The following CALR3 variants were observed in gnomAD, a reference collection of about 807,000 sequenced individuals.
CALR3 encodes calreticulin-3.
Under a neutral mutation model 48.7 loss-of-function variants are expected in CALR3, and 39 were observed. That is an observed-to-expected ratio of 0.80 (90% CI 0.62 to 1.05). CALR3 has a LOEUF of 1.05. Ranked by LOEUF, CALR3 falls within the 50% of genes least tolerant of loss-of-function variation. CALR3 has a pLI of 0.00. For missense variants in CALR3, 449 were observed against 474.7 expected, an observed-to-expected ratio of 0.95 and a Z score of 0.50; for synonymous variants, 185 against 172.7, an observed-to-expected ratio of 1.07 and a Z score of -0.56.
At chr19:16,486,069 A>G (rs1568486320) in intron 3 of CALR3, among the ~76,000 whole-genome samples, 1 of 152,112 alleles carries the variant, frequency 6.6e-6, no homozygotes, top group Non-Finnish European at 1.5e-5. Context: ...TGCTAATCCC[A>G]GCACTTTAGG....
chr19:16,486,301 G>A (rs529586209), intron 3 of CALR3, among the ~76,000 whole-genome samples: 9 of 150,034 alleles, frequency 6.0e-5, no homozygotes, highest in African/African-American at 2.2e-4. Context: ...GGGTGACCAA[G>A]CGAGACTCCG....
At position 16,482,660 on chromosome 19, in the gene CALR3, T is replaced by A. The variant is rs780747845; in HGVS notation, c.786+18A>T. ...CAGCCCTGGGGCATCCCTGGCATCA[T>A]ACAAAGAGGCCACACACCTGGTACG... is the stretch of plus-strand genomic sequence containing the variant. On this transcript the variant is annotated intron_variant, in intron 6 of 8. Coordinates refer to ENST00000269881, the MANE Select transcript of CALR3 (RefSeq NM_145046.5). 2.4e-5 allele frequency: 39 copies of A among 1,613,998 alleles called. No homozygotes were observed. In the East Asian group the frequency reaches 8.7e-4, roughly 36 times the overall value.
intron 3 of CALR3, among the ~76,000 whole-genome samples, chr19:16,487,595 T>A (rs1342173735): frequency 6.6e-6 from 1 of 151,962 alleles, no homozygotes; most frequent in African/African-American, 2.4e-5. Context: ...ATCTGGGTGT[T>A]TTTTAGTTCT....
chr19:16,490,490 C>G lies in CALR3; in HGVS notation c.274G>C (p.Val92Leu), dbSNP rs776598394. The G allele has an allele frequency of 6.2e-7, 1 of 1,614,120 alleles. No homozygotes were observed. The highest frequency in any genetic ancestry group is 8.5e-7 in the Non-Finnish European group (1 of 1,180,036). ...TCATGTTTTACTGTGTACTGAATAACCAGAGTTTTCCCTTTATTGCTGAAC... is the reference window on the plus strand; with the variant it reads ...TCATGTTTTACTGTGTACTGAATAAGCAGAGTTTTCCCTTTATTGCTGAAC... ...KPFSNKGKTL[V>L]IQYTVKHEQK... Residue 92 changes from valine to leucine, a missense_variant, in exon 3 of 9, where the codon GTT becomes CTT. Coordinates refer to ENST00000269881, the MANE Select transcript of CALR3 (RefSeq NM_145046.5).
At chr19:16,483,856 G>T in intron 5 of CALR3, 74 bp downstream of exon 5, 1 of 1,486,858 alleles carries the variant, frequency 6.7e-7, no homozygotes, top group Non-Finnish European at 9.2e-7. Flanking sequence ...CAGCCATGCA[G>T]CAATTGTCCA....
chr19:16,483,735 A>C, intron 5 of CALR3, 195 bp downstream of exon 5: 1 of 597,012 alleles, frequency 1.7e-6, no homozygotes, highest in Non-Finnish European at 2.9e-6. Flanking sequence ...TAAATAAATA[A>C]GTAAATAAAT....
At chr19:16,487,081 C>T (rs2093390170) in intron 3 of CALR3, among the ~76,000 whole-genome samples, 1 of 152,058 alleles carries the variant, frequency 6.6e-6, no homozygotes, top group Non-Finnish European at 1.5e-5. Flanking sequence ...TCATAGCTTA[C>T]TGCATCCTCA....
intron 1 of CALR3, 56 bp from the exon 2 acceptor site, chr19:16,495,908 AG>A: frequency 6.3e-7 from 1 of 1,589,066 alleles, no homozygotes; most frequent in African/African-American, 1.3e-5. Context: ...ATTTGGGCTA[AG>A]GGAAGGGTGA....
At position 16,490,520 on chromosome 19, in the gene CALR3, T is replaced by G; in HGVS notation, c.244A>C (p.Lys82Gln). The G allele has an allele frequency of 6.2e-7, 1 of 1,614,142 alleles. No homozygotes were observed. ...GTTTTCCCTTTATTGCTGAACGGTT[T>G]GAAGCGTGCAGAGATGGCATAGAAT... The part of the protein sequence containing the change: ...GRFYAISARF[K>Q]PFSNKGKTLV... The change falls in exon 3 of 9, where the codon AAA becomes CAA. Residue 82 changes from lysine (K) to glutamine (Q), a missense_variant. Coordinates refer to ENST00000269881, the MANE Select transcript of CALR3 (RefSeq NM_145046.5).
At chr19:16,486,872 G>C (rs1256038475) in intron 3 of CALR3, among the ~76,000 whole-genome samples, 1 of 152,038 alleles carries the variant, frequency 6.6e-6, no homozygotes, top group Non-Finnish European at 1.5e-5. Context: ...TAACAGAGTG[G>C]GTTTGAGTAA....
rs1423417774 is a variant in CALR3, at chr19:16,490,717, T to C, written c.194-147A>G. 3 of 768,896 alleles carry C rather than the reference T, an allele frequency of 3.9e-6. No individual in the cohort carries two copies. The East Asian group carries it at 7.9e-5, about 20-fold the overall frequency. The allele number at this position is 768,896 out of a possible 1,614,324, so 47.6% of individuals were successfully genotyped here. The stretch of plus-strand genomic sequence containing the variant: ...ACAGTGCCAACAGAGCATTATACAA[T>C]AATGCATAATGGGTAGACCACTAGC... On this transcript the variant is annotated intron_variant, in intron 2 of 8. Transcript: ENST00000269881.
rs544280931 is a variant in CALR3, at chr19:16,492,423, C to A, written c.194-1853G>T. ...TTGCACCCCAGCCTGGGTGGCAGGG[C>A]GAAACTCCGTTTAAAAAAATAAATA... On this transcript the variant is annotated intron_variant, in intron 2 of 8. Transcript: ENST00000269881. 7.3e-5 allele frequency among the ~76,000 whole-genome samples: 11 copies of A among 151,162 alleles called. No individual in the cohort carries two copies. The East Asian group carries it at 2.0e-3, about 27-fold the overall frequency.
chr19:16,482,586 A>C lies in CALR3; in HGVS notation c.787-5T>G, dbSNP rs1214234925. ...ACCTTCTGGTTTCAGGCCATCCTGT[A>C]TCAAAAAAACCATATGGGGTGGTCT... On this transcript the variant is annotated splice_region_variant and splice_polypyrimidine_tract_variant and intron_variant, in intron 6 of 8. Coordinates refer to ENST00000269881, the MANE Select transcript of CALR3 (RefSeq NM_145046.5). 6.2e-7 allele frequency: 1 copy of C among 1,614,146 alleles called. No individual in the cohort carries two copies. The highest frequency in any genetic ancestry group is 8.5e-7 in the Non-Finnish European group (1 of 1,180,020).
intron 7 of CALR3, among the ~76,000 whole-genome samples, chr19:16,482,098 C>T (rs1435207690): frequency 1.3e-5 from 2 of 151,188 alleles, no homozygotes; most frequent in African/African-American, 2.4e-5. Context: ...TTAGTAGAGA[C>T]GGGGTTTCAC....
At chr19:16,491,874 G>A (rs1200715033) in intron 2 of CALR3, among the ~76,000 whole-genome samples, 1 of 151,464 alleles carries the variant, frequency 6.6e-6, no homozygotes, top group Non-Finnish European at 1.5e-5. Context: ...ACAGAGGCTC[G>A]CTCTATTGCC....
chr19:16,495,980 C>T (rs1021372088), intron 1 of CALR3, 59 bp downstream of exon 1: 2 of 1,569,206 alleles, frequency 1.3e-6, no homozygotes, highest in Non-Finnish European at 1.7e-6. Flanking sequence ...TCTGGCCAGC[C>T]TTAGGGGGCG....
rs773273835 is a variant in CALR3, at chr19:16,495,878, G to C, written c.92-26C>G. On this transcript the variant is annotated intron_variant, in intron 1 of 8. Transcript: ENST00000269881. Reference sequence around the variant, plus strand: ...CTGTGGGGAAGGGGAAATAACACCGGTTAGAGGTGATAATGGTTAATTTGG... The same window carrying C: ...CTGTGGGGAAGGGGAAATAACACCGCTTAGAGGTGATAATGGTTAATTTGG... 8.1e-6 allele frequency: 13 copies of C among 1,603,266 alleles called. No homozygotes were observed. The East Asian group carries it at 1.8e-4, about 22-fold the overall frequency.
intron 2 of CALR3, among the ~76,000 whole-genome samples, chr19:16,491,482 T>C (rs945046120): frequency 1.3e-4 from 19 of 149,752 alleles, no homozygotes; most frequent in Middle Eastern, 3.4e-3. Context: ...ATAGACAATA[T>C]ATAAATGAAT....
intron 4 of CALR3, 61 bp from the exon 5 acceptor site, chr19:16,484,176 T>TTA: frequency 3.5e-6 from 5 of 1,427,252 alleles, no homozygotes; most frequent in Non-Finnish European, 4.8e-6. Context: ...TTCTTTTCTT[T>TTA]TCTTTTTTTT....
Sources: gnomAD v4.1 joint callset for allele counts (sites outside exome capture counted in the v4.1 genomes callset) on GRCh38, gnomAD v4.1.1 for gene constraint, MANE v1.5 for transcripts, NCBI Gene and HGNC (gene_info 2026-07-23, HGNC 2026-07-21) for gene names.